The following RGS3 variants were observed in gnomAD, a reference collection of about 807,000 sequenced individuals.
RGS3 encodes the protein regulator of G-protein signalling 3.
In RGS3, 80 loss-of-function variants were observed where a neutral mutation model predicts 132.6. The ratio of observed to expected loss-of-function variants is 0.60; its 90% CI spans 0.50 to 0.73. The LOEUF is 0.73. Ranked by LOEUF, RGS3 falls within the 30% of genes least tolerant of loss-of-function variation. The probability of loss-of-function intolerance (pLI) is 0.00; values close to 1 mark genes in which losing one functional copy is unlikely to be tolerated. For synonymous variants in RGS3, 598 were observed against 620.6 expected (o/e 0.96, Z 0.54); for missense variants, 1,382 against 1,530.8 (o/e 0.90, Z 1.62).
chr9:113,591,870 C>T lies in RGS3; in HGVS notation c.3080+473C>T, dbSNP rs548943935. On this transcript the variant is annotated intron_variant, in intron 21 of 24. Coordinates refer to ENST00000350696, the Ensembl canonical transcript of RGS3. This position sits in a 1 kb window ranked among gnomAD's most constrained non-coding sequence, Gnocchi z 4.4. ...TGGCCCAGCTGCCGAATCCCGCACT[C>T]GCCAAGCCTTTCTGGCCACACTCAG... The T allele has an allele frequency of 2.3e-5, 4 of 170,856 alleles. No individual in the cohort carries two copies. The South Asian group carries it at 4.2e-4, about 18-fold the overall frequency. 10.6% of individuals were successfully genotyped at this position (170,856 alleles called of 1,614,324 possible). A position where few individuals can be genotyped will look rare whatever the true frequency, so the allele number is the denominator to read the frequency against.
intron 10 of RGS3, among the ~76,000 whole-genome samples, chr9:113,502,893 C>G (rs1427201803): frequency 6.6e-6 from 1 of 152,208 alleles, no homozygotes. Flanking sequence ...GCCTTTATCT[C>G]CTAGTCAGTA....
intron 16 of RGS3, 49 bp from the exon 15 acceptor site, chr9:113,522,881 T>A: frequency 7.9e-7 from 1 of 1,272,520 alleles, no homozygotes; most frequent in Non-Finnish European, 1.2e-6. Flanking sequence ...GCTCTCAGCC[T>A]CCAGAGGACA....
At chr9:113,526,912 G>A (rs1832237000) in intron 17 of RGS3, among the ~76,000 whole-genome samples, 1 of 152,206 alleles carries the variant, frequency 6.6e-6, no homozygotes, top group Non-Finnish European at 1.5e-5. Flanking sequence ...TCTAGAAGGG[G>A]CAGAATTTCT....
intron 17 of RGS3, among the ~76,000 whole-genome samples, chr9:113,524,110 G>A (rs902271400): frequency 1.3e-5 from 2 of 152,160 alleles, no homozygotes; most frequent in Non-Finnish European, 2.9e-5. Context: ...CTCCAGTTCC[G>A]GCACTGGCAT....
At chr9:113,515,630 CA>C (rs879395181) in intron 15 of RGS3, among the ~76,000 whole-genome samples, 9 of 142,956 alleles carry the variant, frequency 6.3e-5, no homozygotes, top group Admixed American at 2.1e-4. Context: ...GACTCTGTCT[CA>C]AAAAAAAAAG....
chr9:113,464,920 T>A (rs1427723434), intron 3 of RGS3, among the ~76,000 whole-genome samples: 2 of 152,210 alleles, frequency 1.3e-5, no homozygotes, highest in Non-Finnish European at 2.9e-5. Flanking sequence ...CTGCTTTTTT[T>A]CCTTAGGGGT....
chr9:113,556,277 A>G (rs530516880), intron 19 of RGS3, among the ~76,000 whole-genome samples: 3 of 152,244 alleles, frequency 2.0e-5, no homozygotes, highest in East Asian at 3.9e-4. Flanking sequence ...GGTCCTAACT[A>G]GGTAAGTCCT....
chr9:113,504,307 G>A (rs781730454), intron 10 of RGS3, among the ~76,000 whole-genome samples: 1 of 152,152 alleles, frequency 6.6e-6, no homozygotes, highest in Non-Finnish European at 1.5e-5. Flanking sequence ...CCTTCCCTGT[G>A]CCTCACCAGG....
chr9:113,517,414 G>A (rs1831733574), intron 15 of RGS3, 127 bp from the exon 14 acceptor site: 2 of 755,318 alleles, frequency 2.6e-6, no homozygotes, highest in African/African-American at 1.7e-5. Flanking sequence ...CGGGTCGGTG[G>A]CGGGCTGACA....
intron 6 of RGS3, among the ~76,000 whole-genome samples, chr9:113,485,236 T>C (rs891304733): frequency 2.0e-5 from 3 of 152,070 alleles, no homozygotes; most frequent in African/African-American, 7.2e-5. Flanking sequence ...TACAGGCGCC[T>C]GCCGCCATGC....
intron 19 of RGS3, among the ~76,000 whole-genome samples, chr9:113,542,358 C>T (rs1262229917): frequency 1.3e-5 from 2 of 152,160 alleles, no homozygotes; most frequent in South Asian, 2.1e-4. Flanking sequence ...ATTCTAGATA[C>T]ACTGGAGAGC....
chr9:113,588,228 C>G (rs989739248), intron 20 of RGS3, among the ~76,000 whole-genome samples: 3 of 152,190 alleles, frequency 2.0e-5, no homozygotes, highest in Non-Finnish European at 4.4e-5. Flanking sequence ...GAGAGGACCC[C>G]AAAAATGCCT....
chr9:113,472,383 C>T (rs1288324068), intron 3 of RGS3, among the ~76,000 whole-genome samples: 2 of 152,154 alleles, frequency 1.3e-5, no homozygotes, highest in Non-Finnish European at 1.5e-5. Flanking sequence ...TATCCATCAC[C>T]AGATGAGTGG....
intron 9 of RGS3, 34 bp from the exon 8 acceptor site, chr9:113,497,991 A>C: frequency 6.2e-6 from 10 of 1,612,616 alleles, no homozygotes; most frequent in Non-Finnish European, 8.5e-6. Flanking sequence ...CTCTGCCACC[A>C]GAAGTTTTCT....
exon 19 of RGS3, chr9:113,536,905 C>T (rs1479479413): frequency 6.2e-7 from 1 of 1,613,932 alleles, no homozygotes; most frequent in East Asian, 2.2e-5. Flanking sequence ...GCAGCATCAC[C>T]CCCGGACAGC....
Position 113,507,646 on chromosome 9 carries a change from C to G in RGS3, c.1437+8C>G, listed in dbSNP as rs1428852649. The G allele has an allele frequency of 4.1e-6, 6 of 1,452,584 alleles. No homozygotes were observed. The highest frequency in any genetic ancestry group is 5.5e-6 in the Non-Finnish European group (6 of 1,097,872). 90.0% of individuals were successfully genotyped at this position (1,452,584 alleles called of 1,614,324 possible). ...CTGAATCCTGGGAGCCAGGTACGGA[C>G]AGCTGGTGTGGGGAAGGTGAAGGGT... On this transcript the variant is annotated splice_region_variant and intron_variant, in intron 13 of 24. Transcript: ENST00000350696. This position sits in a 1 kb window ranked among gnomAD's most constrained non-coding sequence, Gnocchi z 5.0.
exon 20 of RGS3, chr9:113,584,093 G>A: frequency 1.9e-6 from 3 of 1,614,226 alleles, no homozygotes; most frequent in Non-Finnish European, 2.5e-6. Context: ...GGGGAGGAAG[G>A]GGAGGAGGAC....
intron 1 of RGS3, among the ~76,000 whole-genome samples, chr9:113,461,201 T>C (rs188794284): frequency 6.6e-5 from 10 of 152,196 alleles, no homozygotes; most frequent in Admixed American, 6.5e-4. Context: ...GTGTGTGGTA[T>C]GATAATGTAT....
At chr9:113,452,712 A>G (rs1829271096) in intron 1 of RGS3, among the ~76,000 whole-genome samples, 1 of 150,966 alleles carries the variant, frequency 6.6e-6, no homozygotes, top group South Asian at 2.1e-4. Flanking sequence ...CTCACTGATG[A>G]TCCATTTATT....
Sources: gnomAD v4.1 joint callset for allele counts (sites outside exome capture counted in the v4.1 genomes callset) on GRCh38, gnomAD v4.1.1 for gene constraint, Gnocchi (gnomAD v3.1) non-coding constraint, MANE v1.5 for transcripts, NCBI Gene and HGNC (gene_info 2026-07-23, HGNC 2026-07-21) for gene names.